ABCA7: variants seen among roughly 807,000 people sequenced by gnomAD.
The protein encoded by ABCA7 is ATP binding cassette subfamily A member 7, also known as phospholipid-transporting ATPase ABCA7.
A neutral mutation model predicts 227.6 loss-of-function variants in ABCA7; 261 were observed. That is an observed-to-expected ratio of 1.15 (90% CI 1.04 to 1.27). ABCA7 has a LOEUF of 1.27. Among genes scored for constraint, ABCA7 ranks in the 50% most tolerant of loss-of-function variants. The probability of loss-of-function intolerance (pLI) is 0.00; values close to 1 mark genes in which losing one functional copy is unlikely to be tolerated. For synonymous variants in ABCA7, 1,488 were observed against 1,279.7 expected (o/e 1.16, Z -3.47); for missense variants, 3,331 against 2,924.5 (o/e 1.14, Z -3.21).
chr19:1,063,382 T>A (rs2144966059), intron 42 of ABCA7, among the ~76,000 whole-genome samples, 162 bp from the exon 43 acceptor site: 1 of 150,186 alleles, frequency 6.7e-6, no homozygotes, highest in African/African-American at 2.5e-5. Flanking sequence ...CCCCGCCCCA[T>A]ACTCATGCTG....
Position 1,041,342 on chromosome 19 carries a change from G to T in ABCA7, c.-20G>T. ...ACCGTTGTCCTGACCTCTCTGTCCC[G>T]TCCCCTGCCCAGTCTCACCATGGCC... On this transcript the variant is annotated 5_prime_UTR_variant, in exon 2 of 47. Coordinates refer to ENST00000263094, the MANE Select transcript of ABCA7 (RefSeq NM_019112.4). 1 of 1,613,530 alleles carries T rather than the reference G, an allele frequency of 6.2e-7. No individual in the cohort carries two copies.
chr19:1,053,385 G>A lies in ABCA7; in HGVS notation c.3277G>A (p.Glu1093Lys), dbSNP rs756050913. 10 of 1,608,080 alleles carry A rather than the reference G, an allele frequency of 6.2e-6. No homozygotes were observed. The African/African-American group carries it at 9.4e-5, about 15-fold the overall frequency. The change falls in exon 24 of 47, where the codon GAG becomes AAG. Residue 1093 changes from glutamate to lysine, a missense_variant. Glu to Lys is a moderately conservative substitution (Grantham distance 56, BLOSUM62 1). Transcript: ENST00000263094. ...QHWVPGARLV[E>K]ELPHELVLVL... is the part of the protein sequence containing the mutation. ...CTGGGTGCCCGGGGCACGGCTGGTG[G>A]AGGAGCTGCCACACGAGCTGGTGCT...
chr19:1,044,827 G>C, intron 11 of ABCA7, 83 bp downstream of exon 11: 2 of 1,503,726 alleles, frequency 1.3e-6, no homozygotes, highest in Non-Finnish European at 1.8e-6. Context: ...TGTTCCCAGG[G>C]GGAGGCGGGC....
In ABCA7 at chr19:1,065,021, G is replaced by T; in HGVS notation, c.6135G>T (p.Ala2045=). ...AAFVAAEFPG[A]ELREAHGGRL... ...TCGTGGCGGCCGAGTTCCCTGGGGC[G>T]GAGCTGCGCGAGGCACATGGAGGCC... Residue 2045 remains alanine (A), a synonymous_variant, in exon 46 of 47, where the codon GCG becomes GCT. Transcript: ENST00000263094. 1 of 1,555,170 alleles carries T rather than the reference G, an allele frequency of 6.4e-7. No individual in the cohort carries two copies. The highest frequency in any genetic ancestry group is 8.7e-7 in the Non-Finnish European group (1 of 1,151,586).
In ABCA7 at chr19:1,065,187, G is replaced by A; in HGVS notation, c.6285+16G>A. 6.3e-7 allele frequency: 1 copy of A among 1,594,878 alleles called. No individual in the cohort carries two copies. The highest frequency in any genetic ancestry group is 8.6e-7 in the Non-Finnish European group (1 of 1,168,618). Reference sequence around the variant, plus strand: ...GCTGGAGGAGGTGATCACGGCGCCGGGGTCGGGCTGGGGGAGGCAGGCTGG... The same window carrying A: ...GCTGGAGGAGGTGATCACGGCGCCGAGGTCGGGCTGGGGGAGGCAGGCTGG... On this transcript the variant is annotated intron_variant, in intron 46 of 46. Transcript: ENST00000263094.
At chr19:1,055,499 CTTTTTT>C (rs397709972) in intron 30 of ABCA7, 148 bp downstream of exon 30, 323 of 427,632 alleles carry the variant, frequency 7.6e-4, no homozygotes, top group Middle Eastern at 1.9e-3. Context: ...TTCCTTTCCT[CTTTTTT>C]TTTTTTTTTT....
Position 1,065,415 on chromosome 19 carries a change from CTG to C in ABCA7, c.6434_6435del (p.Val2145AlafsTer21), listed in dbSNP as rs766174879. On this transcript the variant is annotated frameshift_variant, in exon 47 of 47. Coordinates refer to ENST00000263094, the MANE Select transcript of ABCA7 (RefSeq NM_019112.4). LOFTEE classifies it high-confidence loss of function. ...CTCGATGACCCTAGCACTGCCGAGACTGTGCTCTGAGCCTCCCTCCCCTGCGG... is the reference window on the plus strand; with the variant it reads ...CTCGATGACCCTAGCACTGCCGAGACTGCTCTGAGCCTCCCTCCCCTGCGG... 2.5e-6 allele frequency: 4 copies of C among 1,613,318 alleles called. No individual in the cohort carries two copies. Among genetic ancestry groups the C allele is most frequent in the African/African-American group, 1.3e-5 (1 of 75,060 alleles).
Position 1,051,267 on chromosome 19 carries a change from CAG to C in ABCA7, c.2800_2801del (p.Ser934CysfsTer66), listed in dbSNP as rs770953811. ...LLQDVGLVSK[Q>X]SVQTRHLSGG... ...GCAGGATGTGGGGCTGGTCTCCAAG[CAG>C]AGTGTGCAGACTCGCCACCTCTCTG... On this transcript the variant is annotated frameshift_variant, in exon 20 of 47. Transcript: ENST00000263094. LOFTEE classifies it high-confidence loss of function. The C allele has an allele frequency of 2.5e-6, 4 of 1,605,398 alleles. No homozygotes were observed. Among genetic ancestry groups the C allele is most frequent in the African/African-American group, 1.3e-5 (1 of 74,892 alleles).
chr19:1,065,015 T>C lies in ABCA7; in HGVS notation c.6129T>C (p.Pro2043=), dbSNP rs1267231404. ...PAAAFVAAEF[P]GAELREAHGG... ...CGGCCTTCGTGGCGGCCGAGTTCCC[T>C]GGGGCGGAGCTGCGCGAGGCACATG... Residue 2043 remains proline, a synonymous_variant, in exon 46 of 47, where the codon CCT becomes CCC. Transcript: ENST00000263094. The C allele has an allele frequency of 6.4e-7, 1 of 1,557,328 alleles. No homozygotes were observed. Among genetic ancestry groups the C allele is most frequent in the South Asian group, 1.2e-5 (1 of 85,260 alleles).
chr19:1,058,233 C>A lies in ABCA7; in HGVS notation c.5113C>A (p.Arg1705=), dbSNP rs148795173. ...CLGRGLIDMV[R]NQAMADAFER... is the part of the protein sequence containing the mutation. ...GGGCCGGGGGCTCATTGACATGGTG[C>A]GGAACCAGGCCATGGCTGATGCCTT... Residue 1705 remains arginine, a synonymous_variant, in exon 37 of 47, where the codon CGG becomes AGG. Coordinates refer to ENST00000263094, the MANE Select transcript of ABCA7 (RefSeq NM_019112.4). The A allele has an allele frequency of 6.2e-7, 1 of 1,613,526 alleles. No individual in the cohort carries two copies. The highest frequency in any genetic ancestry group is 8.5e-7 in the Non-Finnish European group (1 of 1,179,944).
chr19:1,057,810 A>T, intron 35 of ABCA7, 105 bp from the exon 36 acceptor site: 1 of 1,396,810 alleles, frequency 7.2e-7, no homozygotes, highest in Non-Finnish European at 9.7e-7. Context: ...GCTTTGGGTG[A>T]AAATGTCAAG....
In ABCA7 at chr19:1,054,983, C is replaced by T. The variant is rs2042117772; in HGVS notation, c.3950+105C>T. On this transcript the variant is annotated intron_variant, in intron 29 of 46. Coordinates refer to ENST00000263094, the MANE Select transcript of ABCA7 (RefSeq NM_019112.4). This position sits in a 1 kb window ranked among gnomAD's most constrained non-coding sequence, Gnocchi z 4.8. ...GGGGCACCTGGAGCATCCCCTGTGCCCACCTGGGAGCTGGGAGCCTCTGTG... is the reference window on the plus strand; with the variant it reads ...GGGGCACCTGGAGCATCCCCTGTGCTCACCTGGGAGCTGGGAGCCTCTGTG... 4 of 1,536,220 alleles carry T rather than the reference C, an allele frequency of 2.6e-6. No individual in the cohort carries two copies. In the Admixed American group the frequency reaches 5.9e-5, roughly 22 times the overall value.
In ABCA7 at chr19:1,056,466, A is replaced by T. The variant is rs866979993; in HGVS notation, c.4553A>T (p.Asn1518Ile). The change falls in exon 33 of 47, where the codon AAC becomes ATC. Residue 1518 changes from asparagine (N) to isoleucine (I), a missense_variant. By Grantham distance (149) the Asn-to-Ile change is moderately radical (BLOSUM62 -3). Coordinates refer to ENST00000263094, the MANE Select transcript of ABCA7 (RefSeq NM_019112.4). The surrounding 1 kb of genome is among the most constrained non-coding windows in gnomAD (Gnocchi z 4.3). ...HSITTLNHPL[N>I]LTKEQLSEGA... ...ATCACCACACTCAACCACCCCTTGA[A>T]CCTCACCAAGGAGCAGCTGTCTGAG... is the stretch of plus-strand genomic sequence containing the variant. 6.2e-7 allele frequency: 1 copy of T among 1,613,208 alleles called. No individual in the cohort carries two copies. The highest frequency in any genetic ancestry group is 8.5e-7 in the Non-Finnish European group (1 of 1,179,920).
rs200619014 is a variant in ABCA7, at chr19:1,065,020, C to A, written c.6134C>A (p.Ala2045Glu). The A allele has an allele frequency of 6.4e-6, 10 of 1,554,798 alleles. No individual in the cohort carries two copies. The highest frequency in any genetic ancestry group is 2.4e-5 in the East Asian group (1 of 41,254). ...TTCGTGGCGGCCGAGTTCCCTGGGG[C>A]GGAGCTGCGCGAGGCACATGGAGGC... ...AAFVAAEFPGAELREAHGGRL... is the reference protein window; with the variant it reads ...AAFVAAEFPGEELREAHGGRL... Residue 2045 changes from alanine (A) to glutamate (E), a missense_variant, in exon 46 of 47, where the codon GCG (alanine) becomes GAG (glutamate). Physicochemically the swap from Ala to Glu is moderately radical, Grantham distance 107 (BLOSUM62 -1). Coordinates refer to ENST00000263094, the MANE Select transcript of ABCA7 (RefSeq NM_019112.4).
chr19:1,047,688 CG>C (rs1568284148), intron 16 of ABCA7, 34 bp downstream of exon 16: 1 of 1,545,520 alleles, frequency 6.5e-7, no homozygotes, highest in Non-Finnish European at 8.7e-7. Flanking sequence ...CGGGCCGGGT[CG>C]CACCTGCTTT....
chr19:1,059,761 A>C (rs896417657), intron 40 of ABCA7, among the ~76,000 whole-genome samples: 1 of 150,540 alleles, frequency 6.6e-6, no homozygotes, highest in Non-Finnish European at 1.5e-5. Flanking sequence ...ACAGGGCTTC[A>C]CCATATTAGC....
intron 30 of ABCA7, 78 bp from the exon 31 acceptor site, chr19:1,055,829 C>T: frequency 7.0e-7 from 1 of 1,423,848 alleles, no homozygotes; most frequent in Non-Finnish European, 9.5e-7. Flanking sequence ...CCACCCTTGA[C>T]TCTGTGCTCC....
Position 1,063,810 on chromosome 19 carries a change from C to T in ABCA7, c.5898C>T (p.Asn1966=), listed in dbSNP as rs759641996. 4.5e-6 allele frequency: 7 copies of T among 1,545,768 alleles called. No homozygotes were observed. The African/African-American group carries it at 9.6e-5, about 21-fold the overall frequency. Residue 1966 remains asparagine (N), a synonymous_variant, in exon 44 of 47, where the codon AAC becomes AAT. Transcript: ENST00000263094. ...MDPSARRFLW[N]SLLAVVREGR... is the part of the protein sequence containing the mutation. ...CCAGCGCGCGGCGCTTCCTTTGGAA[C>T]AGCCTTTTGGCCGTGGTGCGGGAGG...
rs1297568524 is a variant in ABCA7 at position 1,046,924 on chromosome 19, G to A, written c.1745G>A (p.Arg582His). 9.6e-6 allele frequency: 15 copies of A among 1,558,060 alleles called. No homozygotes were observed. The highest frequency in any genetic ancestry group is 1.3e-5 in the Non-Finnish European group (15 of 1,160,742). Reference sequence around the variant, plus strand: ...GAGACGCGGCTGCGGGACACCATGCGCGCCATGGGGCTCAGCCGCGCGGTG... The same window carrying A: ...GAGACGCGGCTGCGGGACACCATGCACGCCATGGGGCTCAGCCGCGCGGTG... ...EKETRLRDTMRAMGLSRAVLW... is the reference protein window; with the variant it reads ...EKETRLRDTMHAMGLSRAVLW... The change falls in exon 14 of 47, where the codon CGC becomes CAC. Residue 582 changes from arginine (R) to histidine (H), a missense_variant. Physicochemically the swap from Arg to His is conservative, Grantham distance 29. Transcript: ENST00000263094.
Sources: gnomAD v4.1 joint callset for allele counts (sites outside exome capture counted in the v4.1 genomes callset) on GRCh38, gnomAD v4.1.1 for gene constraint, Gnocchi (gnomAD v3.1) non-coding constraint, MANE v1.5 for transcripts, NCBI Gene and HGNC (gene_info 2026-07-23, HGNC 2026-07-21) for gene names.